The following COL4A1 variants were observed in gnomAD, a reference collection of about 807,000 sequenced individuals.
The protein encoded by COL4A1 is collagen alpha-1(IV) chain.
COL4A1 carries 40 observed loss-of-function variants against 216.6 expected under a neutral mutation model. That is an observed-to-expected ratio of 0.18 (90% CI 0.14 to 0.24). The LOEUF (loss-of-function observed/expected upper bound fraction) is 0.24, where lower values mean the gene tolerates loss of function less well. COL4A1 is among the 10% of genes least tolerant of loss of function. The pLI, the probability that COL4A1 is intolerant of heterozygous loss-of-function variation, is 1.00. For synonymous variants in COL4A1, 839 were observed against 810.7 expected (o/e 1.03, Z -0.59); for missense variants, 1,628 against 2,196.8 (o/e 0.74, Z 5.18).
chr13:110,288,466 A>G (rs1231009835), intron 1 of COL4A1, among the ~76,000 whole-genome samples: 1 of 152,092 alleles, frequency 6.6e-6, no homozygotes, highest in Non-Finnish European at 1.5e-5. Flanking sequence ...CAAAATGTCT[A>G]TTTTAAGGAT....
intron 21 of COL4A1, among the ~76,000 whole-genome samples, chr13:110,197,453 C>T (rs560868565): frequency 6.6e-6 from 1 of 152,182 alleles, no homozygotes; most frequent in African/African-American, 2.4e-5. Flanking sequence ...AGCTCACAAC[C>T]TTCTCTCAGA....
At chr13:110,193,650 C>T (rs1452035409) in intron 22 of COL4A1, among the ~76,000 whole-genome samples, 1 of 152,264 alleles carries the variant, frequency 6.6e-6, no homozygotes. Context: ...TTCTTCCCAT[C>T]CCTGCCCTGG....
chr13:110,203,504 C>A, intron 18 of COL4A1, 62 bp downstream of exon 18: 1 of 1,589,248 alleles, frequency 6.3e-7, no homozygotes. Flanking sequence ...TCTCACAGAC[C>A]CAGGGTCCTC....
chr13:110,201,023 C>G (rs560357180), intron 19 of COL4A1, 134 bp from the exon 20 acceptor site: 8 of 936,954 alleles, frequency 8.5e-6, no homozygotes, highest in Non-Finnish European at 1.2e-5. Flanking sequence ...GAAAACAGAG[C>G]GGGAGACCAC....
intron 1 of COL4A1, among the ~76,000 whole-genome samples, chr13:110,276,391 A>C (rs7984097): frequency 6.6e-6 from 1 of 152,060 alleles, no homozygotes; most frequent in Non-Finnish European, 1.5e-5. Flanking sequence ...GCAGATGTTC[A>C]TGAGCCTCCT....
chr13:110,238,669 GT>G (rs1881429901), intron 2 of COL4A1, among the ~76,000 whole-genome samples: 1 of 152,166 alleles, frequency 6.6e-6, no homozygotes, highest in Admixed American at 6.5e-5. Flanking sequence ...TCCATCTCTA[GT>G]TTAACTTTAA....
chr13:110,273,400 T>C (rs2139292051), intron 1 of COL4A1, among the ~76,000 whole-genome samples: 1 of 152,322 alleles, frequency 6.6e-6, no homozygotes, highest in Non-Finnish European at 1.5e-5. Flanking sequence ...CCACAGCATT[T>C]TGCAGAAGCT....
chr13:110,209,482 GC>G (rs1879675187), intron 10 of COL4A1, 55 bp from the exon 11 acceptor site: 4 of 1,258,552 alleles, frequency 3.2e-6, no homozygotes, highest in Non-Finnish European at 4.5e-6. Context: ...GGAGCTTTAA[GC>G]CCTTCTTCAG....
At chr13:110,258,638 A>T (rs1024352527) in intron 1 of COL4A1, among the ~76,000 whole-genome samples, 1 of 152,242 alleles carries the variant, frequency 6.6e-6, no homozygotes, top group African/African-American at 2.4e-5. Context: ...TTATTAAAAA[A>T]TAGTCAATCT....
At chr13:110,196,854 T>A (rs1878916209) in intron 21 of COL4A1, among the ~76,000 whole-genome samples, 1 of 152,194 alleles carries the variant, frequency 6.6e-6, no homozygotes, top group African/African-American at 2.4e-5. Context: ...AGTCCTGAGG[T>A]AGCAATGGCT....
rs944959122 is a variant in COL4A1, at chr13:110,268,664, G to T, written c.85-25930C>A. Among the ~76,000 whole-genome samples the T allele has an allele frequency of 6.6e-5, 10 of 152,218 alleles. No individual in the cohort carries two copies. The highest frequency in any genetic ancestry group is 2.6e-4 in the Admixed American group (4 of 15,286). On this transcript the variant is annotated intron_variant, in intron 1 of 51. Transcript: ENST00000375820. The surrounding 1 kb of genome is among the most constrained non-coding windows in gnomAD (Gnocchi z 4.1). ...CATTGGCTGCATGGCTTGCCAAGGG[G>T]CTCTACCTCTCCAAACCCGGGTGCC...
intron 44 of COL4A1, 106 bp from the exon 45 acceptor site, chr13:110,166,409 G>T: frequency 1.2e-6 from 1 of 805,570 alleles, no homozygotes; most frequent in East Asian, 2.4e-5. Context: ...GTACACAAAT[G>T]TATAGATAAA....
intron 3 of COL4A1, 45 bp downstream of exon 3, chr13:110,213,881 G>C: frequency 6.2e-7 from 1 of 1,612,186 alleles, no homozygotes; most frequent in South Asian, 1.1e-5. Flanking sequence ...CAAGAATGCG[G>C]GCAATCTTAC....
At chr13:110,224,304 T>C (rs1286115764) in intron 2 of COL4A1, among the ~76,000 whole-genome samples, 1 of 152,196 alleles carries the variant, frequency 6.6e-6, no homozygotes, top group Non-Finnish European at 1.5e-5. Flanking sequence ...GTTAGCTCTC[T>C]TCTGAGTTTG....
At chr13:110,167,804 C>T (rs1292625969) in intron 43 of COL4A1, among the ~76,000 whole-genome samples, 1 of 152,040 alleles carries the variant, frequency 6.6e-6, no homozygotes, top group Non-Finnish European at 1.5e-5. Context: ...TTCAACAAGT[C>T]GTTCCTTTCT....
At chr13:110,218,896 A>G (rs57091515) in intron 2 of COL4A1, among the ~76,000 whole-genome samples, 217 of 152,362 alleles carry the variant, frequency 1.4e-3, no homozygotes, top group African/African-American at 4.9e-3. Context: ...CTCACCAAGT[A>G]TCCAGTGAAA....
At position 110,212,579 on chromosome 13, in the gene COL4A1, G is replaced by A. The variant is rs1427922815; in HGVS notation, c.319C>T (p.Leu107Phe). The change falls in exon 5 of 52, where the codon CTT becomes TTT. Residue 107 changes from leucine to phenylalanine, a missense_variant. This residue lies in a region of COL4A1 where 150 missense variants were observed against 211.9 expected (regional missense o/e 0.71). Transcript: ENST00000375820. The stretch of plus-strand genomic sequence containing the variant: ...AGCACGTTTTCTATACATACGGGAA[G>A]TCCTGGGTTTCCAGGGTAGCCAGAT... ...GASGYPGNPG[L>F]PGIPGQDGPP... is the part of the protein sequence containing the mutation. 1 of 1,614,198 alleles carries A rather than the reference G, an allele frequency of 6.2e-7. No individual in the cohort carries two copies. Among genetic ancestry groups the A allele is most frequent in the African/African-American group, 1.3e-5 (1 of 75,054 alleles).
chr13:110,205,497 A>T lies in COL4A1; in HGVS notation c.900T>A (p.Ser300Arg), dbSNP rs370338256. 1.2e-5 allele frequency: 19 copies of T among 1,613,718 alleles called. No individual in the cohort carries two copies. The highest frequency in any genetic ancestry group is 8.9e-5 in the East Asian group (4 of 44,876). ...AAAACCACAGAGAAACACTTACGGG[A>T]CTCCCTTTTTCCCCTTTGTCACCAT... ...GKDGDKGEKG[S>R]PGFPGEPGYP... Residue 300 changes from serine to arginine, a missense_variant, in exon 16 of 52, where the codon AGT (serine) becomes AGA (arginine). By Grantham distance (110) the Ser-to-Arg change is moderately radical (BLOSUM62 -1). Around this residue, in one of 8 missense-constraint regions of COL4A1, gnomAD observed 701 missense variants for 892.5 expected, o/e 0.79. Coordinates refer to ENST00000375820, the MANE Select transcript of COL4A1 (RefSeq NM_001845.6).
At chr13:110,248,596 A>G (rs7333159) in intron 1 of COL4A1, among the ~76,000 whole-genome samples, 5,570 of 152,228 alleles carry the variant, frequency 0.037, 326 homozygotes, top group African/African-American at 0.13. Flanking sequence ...GATTCAAGCG[A>G]TTCTCCTGCC....
Sources: gnomAD v4.1 joint callset for allele counts (sites outside exome capture counted in the v4.1 genomes callset) on GRCh38, gnomAD v4.1.1 for gene constraint, gnomAD v4.1.1 regional missense constraint, Gnocchi (gnomAD v3.1) non-coding constraint, MANE v1.5 for transcripts, NCBI Gene and HGNC (gene_info 2026-07-23, HGNC 2026-07-21) for gene names.